The following EXOSC10 variants were observed in gnomAD, a reference collection of about 807,000 sequenced individuals.
The protein encoded by EXOSC10 is exosome component 10.
EXOSC10 carries 94 observed loss-of-function variants against 126.6 expected under a neutral mutation model. The observed-to-expected ratio is 0.74, with a 90% CI of 0.63 to 0.88. The LOEUF (loss-of-function observed/expected upper bound fraction) is 0.88. EXOSC10 is among the 40% of genes least tolerant of loss of function. The pLI is 0.00. For missense variants in EXOSC10, 1,041 were observed against 1,100.5 expected (o/e 0.95, Z 0.77); for synonymous variants, 395 against 400.8 (o/e 0.99, Z 0.17).
At chr1:11,082,150 C>T (rs775672105) in intron 10 of EXOSC10, among the ~76,000 whole-genome samples, 14 of 152,032 alleles carry the variant, frequency 9.2e-5, no homozygotes, top group Admixed American at 2.6e-4. Flanking sequence ...CTCAGTAGCA[C>T]CTTCCTATGA....
chr1:11,069,181 T>C (rs1171486004), intron 22 of EXOSC10, among the ~76,000 whole-genome samples: 2 of 150,148 alleles, frequency 1.3e-5, no homozygotes, highest in African/African-American at 4.9e-5. Context: ...CAAGCAGCCA[T>C]AGGGGTTCAT....
At chr1:11,074,149 G>C in intron 18 of EXOSC10, 82 bp downstream of exon 18, 1 of 1,419,810 alleles carries the variant, frequency 7.0e-7, no homozygotes, top group Non-Finnish European at 1.0e-6. Context: ...ACTGGCTTCA[G>C]AGGCTTCCTT....
intron 9 of EXOSC10, among the ~76,000 whole-genome samples, chr1:11,085,909 A>G (rs1175303462): frequency 6.6e-6 from 1 of 152,146 alleles, no homozygotes; most frequent in African/African-American, 2.4e-5. Context: ...TTCTGTTTAT[A>G]CGCTGCATTA....
rs1159378250 is a variant in EXOSC10, at chr1:11,096,451, T to TTTTC, written c.249-574_249-571dup. 2.9e-3 allele frequency among the ~76,000 whole-genome samples: 433 copies of TTTTC among 147,422 alleles called. 1 individual carries two copies. Among genetic ancestry groups the TTTTC allele is most frequent in the African/African-American group, 0.01 (410 of 39,956 alleles). ...CAGGTGTGAGCCATGAGCCCAGCCTTTTTCTTTCTTTCTTTCTTTCTTTTT... is the reference window on the plus strand; with the variant it reads ...CAGGTGTGAGCCATGAGCCCAGCCTTTTTCTTTCTTTCTTTCTTTCTTTCTTTTT... On this transcript the variant is annotated intron_variant, in intron 2 of 24. Coordinates refer to ENST00000376936, the MANE Select transcript of EXOSC10 (RefSeq NM_001001998.3).
intron 24 of EXOSC10, among the ~76,000 whole-genome samples, chr1:11,067,802 GCT>G (rs1233089898): frequency 6.6e-6 from 1 of 152,134 alleles, no homozygotes; most frequent in Admixed American, 6.5e-5. Context: ...GCAGTGCCTG[GCT>G]CTGTGATGTA....
At position 11,077,237 on chromosome 1, in the gene EXOSC10, C is replaced by T. The variant is rs3737619; in HGVS notation, c.1879+128G>A. On this transcript the variant is annotated intron_variant, in intron 16 of 24. Coordinates refer to ENST00000376936, the MANE Select transcript of EXOSC10 (RefSeq NM_001001998.3). Reference sequence around the variant, plus strand: ...AACTCCTGACCTCAGGTGATCTACCCGCCTCAGCCTTCCAATATGCTGGCA... The same window carrying T: ...AACTCCTGACCTCAGGTGATCTACCTGCCTCAGCCTTCCAATATGCTGGCA... The T allele has an allele frequency of 0.047, 44,287 of 938,530 alleles. 2,007 individuals carry two copies. The highest frequency in any genetic ancestry group is 0.14 in the African/African-American group (8,738 of 60,882). The allele number at this position is 938,530 out of a possible 1,614,324, so 58.1% of individuals were successfully genotyped here.
intron 8 of EXOSC10, 52 bp downstream of exon 8, chr1:11,087,748 G>A (rs763872746): frequency 8.6e-6 from 13 of 1,506,716 alleles, no homozygotes; most frequent in African/African-American, 1.4e-5. Context: ...TCTCCAACAG[G>A]TGAACTCACA....
Position 11,080,750 on chromosome 1 carries a change from C to T in EXOSC10, c.1586+14G>A. On this transcript the variant is annotated intron_variant, in intron 12 of 24. Coordinates refer to ENST00000376936, the MANE Select transcript of EXOSC10 (RefSeq NM_001001998.3). ...GTCTGGAAACAAGTATTAAAAGAAC[C>T]TCTAATCCCTTACCCGTAACTTTCA... 6.2e-7 allele frequency: 1 copy of T among 1,613,962 alleles called. No homozygotes were observed.
At chr1:11,067,908 C>T in intron 24 of EXOSC10, 100 bp downstream of exon 24, 2 of 1,004,724 alleles carry the variant, frequency 2.0e-6, no homozygotes, top group Non-Finnish European at 3.1e-6. Flanking sequence ...GTTGAAGACC[C>T]CTGGACACTC....
At chr1:11,081,707 G>A (rs1018683630) in intron 10 of EXOSC10, among the ~76,000 whole-genome samples, 2 of 152,226 alleles carry the variant, frequency 1.3e-5, no homozygotes, top group African/African-American at 4.8e-5. Flanking sequence ...GTAACAGGGA[G>A]TGGTTTTTAG....
intron 21 of EXOSC10, 65 bp downstream of exon 21, chr1:11,070,835 G>A (rs1639440656): frequency 1.4e-6 from 2 of 1,423,882 alleles, no homozygotes; most frequent in Admixed American, 3.5e-5. Context: ...GATATCCAAG[G>A]AAGATCCTGA....
Position 11,081,204 on chromosome 1 carries a change from C to A in EXOSC10, c.1315G>T (p.Asp439Tyr). ...ATATATAGCAGGTAATGGGTGTCAT[C>A]CCGGGCGTAGCTGAGCATCTCCTCG... ...LPEEMLSYAR[D>Y]DTHYLLYIYD... The change falls in exon 11 of 25, where the codon GAT becomes TAT. Residue 439 changes from aspartate to tyrosine, a missense_variant. This residue lies in a region of EXOSC10 where 645 missense variants were observed against 656.3 expected (regional missense o/e 0.98). Coordinates refer to ENST00000376936, the MANE Select transcript of EXOSC10 (RefSeq NM_001001998.3). 6.2e-7 allele frequency: 1 copy of A among 1,614,184 alleles called. No homozygotes were observed. Among genetic ancestry groups the A allele is most frequent in the South Asian group, 1.1e-5 (1 of 91,084 alleles).
At chr1:11,090,759 C>CT (rs890716203) in intron 5 of EXOSC10, 91 bp from the exon 6 acceptor site, 3,512 of 896,404 alleles carry the variant, frequency 3.9e-3, no homozygotes, top group Non-Finnish European at 4.5e-3. Context: ...TGTTTTTTGG[C>CT]TTTTTTTTTT....
chr1:11,069,758 G>C (rs1169015847), intron 21 of EXOSC10, 28 bp from the exon 22 acceptor site: 3 of 1,609,954 alleles, frequency 1.9e-6, no homozygotes, highest in Non-Finnish European at 2.5e-6. Flanking sequence ...ATGTGGGGGA[G>C]GAACAGGGAG....
chr1:11,087,407 T>C, intron 9 of EXOSC10, 41 bp downstream of exon 9: 5 of 1,611,686 alleles, frequency 3.1e-6, no homozygotes, highest in Non-Finnish European at 4.2e-6. Flanking sequence ...CTAAAAATCT[T>C]GTATGAGCTC....
chr1:11,099,509 A>G (rs1570876900), intron 1 of EXOSC10, among the ~76,000 whole-genome samples: 1 of 152,280 alleles, frequency 6.6e-6, no homozygotes, highest in East Asian at 1.9e-4. Context: ...GCCTCCATGG[A>G]CTTAGGCTCG....
rs1392697405 is a variant in EXOSC10 at position 11,073,984 on chromosome 1, C to T, written c.2107G>A (p.Ala703Thr). The T allele has an allele frequency of 4.3e-6, 7 of 1,613,022 alleles. No individual in the cohort carries two copies. Among genetic ancestry groups the T allele is most frequent in the Non-Finnish European group, 5.9e-6 (7 of 1,179,844 alleles). Residue 703 changes from alanine to threonine, a missense_variant, in exon 19 of 25, where the codon GCT becomes ACT. Ala to Thr is a moderately conservative substitution (Grantham distance 58). Coordinates refer to ENST00000376936, the MANE Select transcript of EXOSC10 (RefSeq NM_001001998.3). ...AACTTCGCTGCCTGAGAGACGGGAG[C>T]ACGGTGTCCCAGTGAGGGCAGAAAC... is the stretch of plus-strand genomic sequence containing the variant. Reference protein sequence around the residue: ...RMFLPSLGHRAPVSQAAKFDP... With the variant: ...RMFLPSLGHRTPVSQAAKFDP...
At chr1:11,074,081 A>G (rs1639677734) in intron 18 of EXOSC10, 73 bp from the exon 19 acceptor site, 1 of 1,480,000 alleles carries the variant, frequency 6.8e-7, no homozygotes, top group Non-Finnish European at 9.4e-7. Flanking sequence ...AAGCGCTCAG[A>G]TGGGGGGTTG....
chr1:11,079,068 C>T (rs184694055), intron 14 of EXOSC10, among the ~76,000 whole-genome samples: 95 of 152,204 alleles, frequency 6.2e-4, no homozygotes, highest in Middle Eastern at 3.4e-3. Context: ...TGATGGCTCA[C>T]GCCTGTAATC....
Sources: allele counts gnomAD v4.1 joint callset (sites outside exome capture counted in the v4.1 genomes callset), GRCh38; gene constraint gnomAD v4.1.1; regional missense constraint gnomAD v4.1.1; transcripts MANE v1.5; gene names NCBI Gene and HGNC (gene_info 2026-07-23, HGNC 2026-07-21).